CMSS1: variants seen among roughly 807,000 people sequenced by gnomAD.
CMSS1 encodes the protein protein CMSS1.
In CMSS1, 33 loss-of-function variants were observed where a neutral mutation model predicts 43.5. That is an observed-to-expected ratio of 0.76 (90% confidence interval 0.57 to 1.01). CMSS1 has a LOEUF of 1.01. CMSS1 is among the 50% of genes least tolerant of loss of function. The pLI is 0.00. For synonymous variants in CMSS1, 115 were observed against 117.2 expected, an observed-to-expected ratio of 0.98 and a Z score of 0.12; for missense variants, 313 against 326.4, an observed-to-expected ratio of 0.96 and a Z score of 0.32.
At chr3:99,916,840 A>G (rs894718861) in intron 1 of CMSS1, among the ~76,000 whole-genome samples, 3 of 152,314 alleles carry the variant, frequency 2.0e-5, no homozygotes, top group Admixed American at 1.3e-4. Context: ...TGTGCCAGCC[A>G]TCATCTTCAC....
intron 1 of CMSS1, among the ~76,000 whole-genome samples, chr3:100,032,059 G>A (rs553949662): frequency 7.0e-4 from 106 of 152,206 alleles, no homozygotes; most frequent in Admixed American, 1.2e-3. Flanking sequence ...TATAAAGACA[G>A]GCTACAGACC....
At chr3:99,952,427 C>A (rs1207897250) in intron 1 of CMSS1, among the ~76,000 whole-genome samples, 1 of 152,138 alleles carries the variant, frequency 6.6e-6, no homozygotes, top group Non-Finnish European at 1.5e-5. Flanking sequence ...TCTGGCTGAT[C>A]CTACCCCAGC....
rs141296627 is a variant in CMSS1, at chr3:99,995,245, C to T, written c.65-151728C>T. Reference sequence around the variant, plus strand: ...GAAATTGGCCAAAACAAAGGGGCTACGGGGCCCATGCAAGTCTGAAATTCA... The same window carrying T: ...GAAATTGGCCAAAACAAAGGGGCTATGGGGCCCATGCAAGTCTGAAATTCA... On this transcript the variant is annotated intron_variant, in intron 1 of 9. Coordinates refer to ENST00000421999, the MANE Select transcript of CMSS1 (RefSeq NM_032359.4). 1.1e-4 allele frequency among the ~76,000 whole-genome samples: 16 copies of T among 152,248 alleles called. No individual in the cohort carries two copies. The East Asian group carries it at 1.9e-3, about 18-fold the overall frequency.
At chr3:99,872,596 C>T (rs1026220671) in intron 1 of CMSS1, among the ~76,000 whole-genome samples, 2 of 152,014 alleles carry the variant, frequency 1.3e-5, no homozygotes, top group East Asian at 3.9e-4. Flanking sequence ...ACACATCATT[C>T]CCCAAGCTTG....
At chr3:99,872,322 T>TGTGTGA (rs1491147270) in intron 1 of CMSS1, among the ~76,000 whole-genome samples, 6 of 141,114 alleles carry the variant, frequency 4.3e-5, no homozygotes, top group Non-Finnish European at 6.2e-5. Context: ...TGTGTGTGTG[T>TGTGTGA]GACTGTGGGG....
At chr3:99,912,482 A>T (rs372045242) in intron 1 of CMSS1, among the ~76,000 whole-genome samples, 3 of 152,128 alleles carry the variant, frequency 2.0e-5, no homozygotes, top group Admixed American at 6.5e-5. Flanking sequence ...GACTCAGGTG[A>T]TCCTCCTACC....
chr3:100,079,726 T>C (rs979082981), intron 1 of CMSS1, among the ~76,000 whole-genome samples: 3 of 152,156 alleles, frequency 2.0e-5, no homozygotes, highest in African/African-American at 4.8e-5. Flanking sequence ...ATTCACACTT[T>C]AGAACAAAAA....
At chr3:99,849,481 G>T in intron 1 of CMSS1, 4 of 1,613,678 alleles carry the variant, frequency 2.5e-6, no homozygotes, top group Non-Finnish European at 3.4e-6. Context: ...TAGGTCTTCA[G>T]TTGCCATGTA....
At chr3:100,124,203 G>C (rs1380918598) in intron 1 of CMSS1, among the ~76,000 whole-genome samples, 1 of 150,828 alleles carries the variant, frequency 6.6e-6, no homozygotes, top group East Asian at 1.9e-4. Context: ...TTTTTTTCCT[G>C]TTTCAGTTAC....
intron 1 of CMSS1, among the ~76,000 whole-genome samples, chr3:99,995,044 A>G (rs1476729738): frequency 6.6e-6 from 1 of 152,188 alleles, no homozygotes; most frequent in Admixed American, 6.5e-5. Flanking sequence ...CCTTCCCAAC[A>G]GCACCCAAAG....
intron 8 of CMSS1, 105 bp downstream of exon 8, chr3:100,172,508 G>A: frequency 2.5e-6 from 2 of 803,526 alleles, no homozygotes; most frequent in Non-Finnish European, 4.0e-6. Flanking sequence ...CCAGACCTCT[G>A]TGTTAATTCA....
chr3:100,051,993 A>G (rs1420374766), intron 1 of CMSS1, among the ~76,000 whole-genome samples: 1 of 150,888 alleles, frequency 6.6e-6, no homozygotes, highest in East Asian at 1.9e-4. Flanking sequence ...AATGTGATAA[A>G]TATAAAATAT....
chr3:100,067,210 A>C (rs1413844298), intron 1 of CMSS1, among the ~76,000 whole-genome samples: 1 of 151,894 alleles, frequency 6.6e-6, no homozygotes, highest in South Asian at 2.1e-4. Context: ...AAATAGGGAA[A>C]TTTTAGCATC....
At chr3:100,161,093 T>C (rs1324164539) in intron 3 of CMSS1, among the ~76,000 whole-genome samples, 1 of 152,194 alleles carries the variant, frequency 6.6e-6, no homozygotes, top group African/African-American at 2.4e-5. Flanking sequence ...TGGTTAGCTA[T>C]GACCTTCTCC....
At chr3:100,084,721 T>A (rs1047469578) in intron 1 of CMSS1, among the ~76,000 whole-genome samples, 1 of 152,222 alleles carries the variant, frequency 6.6e-6, no homozygotes, top group Non-Finnish European at 1.5e-5. Flanking sequence ...TCAACCTCAC[T>A]TTTTCCACTT....
chr3:100,175,692 C>T (rs1474480373), intron 8 of CMSS1, among the ~76,000 whole-genome samples: 1 of 152,148 alleles, frequency 6.6e-6, no homozygotes, highest in Non-Finnish European at 1.5e-5. Flanking sequence ...GGAGCAGAGG[C>T]AAGAACTGAC....
chr3:99,974,406 A>C (rs747463373), intron 1 of CMSS1, among the ~76,000 whole-genome samples: 17 of 152,328 alleles, frequency 1.1e-4, no homozygotes, highest in Non-Finnish European at 2.4e-4. Flanking sequence ...CTTAGAAAGC[A>C]GGAATAAAAA....
chr3:100,177,768 A>G (rs183129512), intron 9 of CMSS1, among the ~76,000 whole-genome samples: 2 of 152,270 alleles, frequency 1.3e-5, no homozygotes, highest in East Asian at 1.9e-4. Context: ...GATTACTTGA[A>G]GCCAGGAGTT....
At chr3:99,828,202 A>C (rs1942571712) in intron 1 of CMSS1, among the ~76,000 whole-genome samples, 1 of 152,024 alleles carries the variant, frequency 6.6e-6, no homozygotes, top group Non-Finnish European at 1.5e-5. Context: ...TTCTATTAGC[A>C]TAATTACCAA....
Sources: allele counts gnomAD v4.1 joint callset (sites outside exome capture counted in the v4.1 genomes callset), GRCh38; gene constraint gnomAD v4.1.1; transcripts MANE v1.5; gene names NCBI Gene and HGNC (gene_info 2026-07-23, HGNC 2026-07-21).